PCDH7: variants seen among roughly 807,000 people sequenced by gnomAD.
PCDH7 encodes protocadherin 7, also known as protocadherin-7.
In PCDH7, 17 loss-of-function variants were observed where a neutral mutation model predicts 58.9. The ratio of observed to expected loss-of-function variants is 0.29; its 90% CI spans 0.20 to 0.43. The LOEUF (loss-of-function observed/expected upper bound fraction) is 0.43. Ranked by LOEUF, PCDH7 falls within the 20% of genes least tolerant of loss-of-function variation. The probability of loss-of-function intolerance (pLI) is 1.00; values close to 1 mark genes in which losing one functional copy is unlikely to be tolerated. For missense variants in PCDH7, 1,274 were observed against 1,441.0 expected (o/e 0.88, Z 1.88); for synonymous variants, 664 against 616.4 (o/e 1.08, Z -1.14).
At chr4:30,831,214 G>A (rs1447373) in intron 1 of PCDH7, among the ~76,000 whole-genome samples, 50,977 of 151,726 alleles carry the variant, frequency 0.34, 9,068 homozygotes, top group East Asian at 0.5. Flanking sequence ...CATACGCTTC[G>A]TCTATTTATG....
intron 1 of PCDH7, among the ~76,000 whole-genome samples, chr4:30,768,413 G>A (rs1000515148): frequency 6.7e-6 from 1 of 149,340 alleles, no homozygotes; most frequent in Non-Finnish European, 1.5e-5. Flanking sequence ...AAAGAAGGTC[G>A]AGTGGATAGC....
At chr4:31,082,993 A>G (rs886618803) in intron 3 of PCDH7, among the ~76,000 whole-genome samples, 1 of 152,158 alleles carries the variant, frequency 6.6e-6, no homozygotes, top group Non-Finnish European at 1.5e-5. Flanking sequence ...CTGTAGTCCC[A>G]GCTACTCGGG....
exon 1 of PCDH7, chr4:30,724,139 C>A: frequency 2.5e-6 from 4 of 1,613,712 alleles, no homozygotes; most frequent in Non-Finnish European, 3.4e-6. Flanking sequence ...TACTGCAGGT[C>A]CAAAAATAAA....
chr4:31,107,131 A>C (rs1244033878), intron 3 of PCDH7, among the ~76,000 whole-genome samples: 2 of 152,080 alleles, frequency 1.3e-5, no homozygotes, highest in Non-Finnish European at 2.9e-5. Context: ...TAACCTTTCT[A>C]CAATCTTCAT....
At chr4:30,814,043 T>A (rs1727348973) in intron 1 of PCDH7, among the ~76,000 whole-genome samples, 1 of 152,190 alleles carries the variant, frequency 6.6e-6, no homozygotes, top group Non-Finnish European at 1.5e-5. Flanking sequence ...TTTGTACTAT[T>A]ATTTTTTATA....
intron 1 of PCDH7, among the ~76,000 whole-genome samples, chr4:30,805,957 A>AT (rs1726140640): frequency 1.3e-5 from 2 of 152,096 alleles, no homozygotes; most frequent in Admixed American, 1.3e-4. Flanking sequence ...TGGATTTCCA[A>AT]TTTTTTCAGA....
chr4:30,727,704 C>T (rs529390636), intron 1 of PCDH7, among the ~76,000 whole-genome samples: 4 of 151,918 alleles, frequency 2.6e-5, no homozygotes, highest in East Asian at 3.9e-4. Flanking sequence ...ACTAGAAGTA[C>T]AACTGTGTTT....
chr4:30,900,331 A>G (rs1320817509), intron 1 of PCDH7, among the ~76,000 whole-genome samples: 1 of 152,308 alleles, frequency 6.6e-6, no homozygotes, highest in South Asian at 2.1e-4. Flanking sequence ...AAGTTCAATT[A>G]TCAGCTCCAA....
intron 3 of PCDH7, among the ~76,000 whole-genome samples, chr4:31,062,939 A>G (rs142857503): frequency 4.3e-4 from 65 of 152,060 alleles, no homozygotes; most frequent in African/African-American, 1.3e-3. Context: ...TGTATATAAT[A>G]TATTACATGC....
intron 2 of PCDH7, among the ~76,000 whole-genome samples, chr4:30,939,551 A>C (rs2109434460): frequency 6.6e-6 from 1 of 152,242 alleles, no homozygotes; most frequent in Non-Finnish European, 1.5e-5. Flanking sequence ...TATATCATTG[A>C]ACAGTCTCAC....
chr4:30,866,975 G>T (rs935960795), intron 1 of PCDH7, among the ~76,000 whole-genome samples: 1 of 152,070 alleles, frequency 6.6e-6, no homozygotes, highest in African/African-American at 2.4e-5. Context: ...AAAAGGAAAT[G>T]AAACCTTATT....
rs1378903157 is a variant in PCDH7 at position 30,721,231 on chromosome 4, A to G, written c.-192A>G. 4 of 549,724 alleles carry G rather than the reference A, an allele frequency of 7.3e-6. No homozygotes were observed. Among genetic ancestry groups the G allele is most frequent in the Middle Eastern group, 4.7e-4 (1 of 2,132 alleles). 34.1% of individuals were successfully genotyped at this position (549,724 alleles called of 1,614,324 possible). On this transcript the variant is annotated 5_prime_UTR_variant, in exon 1 of 2. Coordinates refer to ENST00000361762, the Ensembl canonical transcript of PCDH7. The surrounding 1 kb of genome is among the most constrained non-coding windows in gnomAD (Gnocchi z 6.7). ...AGCAGGAGGAAAAAAAGAAGCATCT[A>G]TCGCTGCCCTCCCACCCCCATTCCC... is the stretch of plus-strand genomic sequence containing the variant.
rs181632639 is a variant in PCDH7 at position 30,794,535 on chromosome 4, T to A, written c.70+69939T>A. Among the ~76,000 whole-genome samples, 6 of 152,328 alleles carry A rather than the reference T, an allele frequency of 3.9e-5. No individual in the cohort carries two copies. The East Asian group carries it at 1.2e-3, about 29-fold the overall frequency. On this transcript the variant is annotated intron_variant, in intron 1 of 3. Transcript: ENST00000509759. ...AATTGTTACATAATTCACAGATAAT[T>A]CATTGCACACAGAACTGTGTATTTA...
At chr4:30,967,313 G>A (rs765348240) in intron 3 of PCDH7, among the ~76,000 whole-genome samples, 119 of 152,180 alleles carry the variant, frequency 7.8e-4, no homozygotes, top group Non-Finnish European at 7.4e-4. Context: ...AATTATAAAA[G>A]AGCCTAATAG....
chr4:30,931,580 AAT>A (rs969683888), intron 2 of PCDH7, among the ~76,000 whole-genome samples: 2 of 151,682 alleles, frequency 1.3e-5, no homozygotes, highest in African/African-American at 4.8e-5. Flanking sequence ...ATCTCAAAAA[AAT>A]ATATATATAA....
intron 1 of PCDH7, among the ~76,000 whole-genome samples, chr4:30,726,840 G>C (rs141445230): frequency 6.6e-6 from 1 of 151,916 alleles, no homozygotes; most frequent in Non-Finnish European, 1.5e-5. Flanking sequence ...CAATATTGCT[G>C]TCAGGGGACA....
At chr4:31,008,431 A>G (rs1425508409) in intron 3 of PCDH7, among the ~76,000 whole-genome samples, 2 of 152,188 alleles carry the variant, frequency 1.3e-5, no homozygotes, top group African/African-American at 4.8e-5. Context: ...CTCACAGATC[A>G]TATCCAAAAT....
intron 1 of PCDH7, among the ~76,000 whole-genome samples, chr4:30,905,044 G>A (rs1366630209): frequency 1.3e-5 from 2 of 152,072 alleles, no homozygotes; most frequent in African/African-American, 4.8e-5. Context: ...CAGTTTATGT[G>A]AAATGTCTAA....
At chr4:30,865,311 T>C (rs999481808) in intron 1 of PCDH7, among the ~76,000 whole-genome samples, 1 of 152,064 alleles carries the variant, frequency 6.6e-6, no homozygotes, top group Non-Finnish European at 1.5e-5. Flanking sequence ...AATTACATTG[T>C]AGTGTTCAGG....
Sources: gnomAD v4.1 joint callset for allele counts (sites outside exome capture counted in the v4.1 genomes callset) on GRCh38, gnomAD v4.1.1 for gene constraint, Gnocchi (gnomAD v3.1) non-coding constraint, MANE v1.5 for transcripts, NCBI Gene and HGNC (gene_info 2026-07-23, HGNC 2026-07-21) for gene names.